The following MEGF11 variants were observed in gnomAD, a reference collection of about 807,000 sequenced individuals.
MEGF11 encodes multiple EGF like domains 11.
MEGF11 carries 126 observed loss-of-function variants against 146.6 expected under a neutral mutation model. The observed-to-expected ratio is 0.86, with a 90% CI of 0.74 to 1.00. The LOEUF (loss-of-function observed/expected upper bound fraction) is 1.00. MEGF11 is among the 50% of genes least tolerant of loss of function. The pLI is 0.00. For missense variants in MEGF11, 1,509 were observed against 1,521.2 expected (o/e 0.99, Z 0.13); for synonymous variants, 532 against 583.4 (o/e 0.91, Z 1.27).
intron 10 of MEGF11, among the ~76,000 whole-genome samples, chr15:65,932,472 G>A (rs915985371): frequency 7.5e-6 from 1 of 133,476 alleles, no homozygotes; most frequent in Admixed American, 7.3e-5. Flanking sequence ...CAAGTTACAG[G>A]GTAGGAGACC....
intron 24 of MEGF11, among the ~76,000 whole-genome samples, chr15:65,899,327 C>T (rs935860518): frequency 6.6e-6 from 1 of 152,166 alleles, no homozygotes; most frequent in Non-Finnish European, 1.5e-5. Flanking sequence ...ATGGCAGTGC[C>T]AAGAATTGAA....
chr15:66,130,730 GAGGA>G (rs137881134), intron 1 of MEGF11, among the ~76,000 whole-genome samples: 28 of 141,084 alleles, frequency 2.0e-4, no homozygotes, highest in East Asian at 4.1e-4. Context: ...AAGAGGGAGG[GAGGA>G]AGGAAGGAAG....
At chr15:66,207,695 A>G (rs952129879) in intron 1 of MEGF11, among the ~76,000 whole-genome samples, 4 of 152,388 alleles carry the variant, frequency 2.6e-5, no homozygotes, top group East Asian at 3.9e-4. Context: ...TTTTACCTAT[A>G]TGATCTAAAA....
intron 5 of MEGF11, among the ~76,000 whole-genome samples, chr15:66,054,591 G>A (rs1286011329): frequency 6.6e-6 from 1 of 152,250 alleles, no homozygotes; most frequent in Non-Finnish European, 1.5e-5. Context: ...CCTGGGCAGA[G>A]TGAGCGGCCT....
At chr15:66,074,665 A>T (rs2085504022) in intron 5 of MEGF11, among the ~76,000 whole-genome samples, 1 of 152,230 alleles carries the variant, frequency 6.6e-6, no homozygotes, top group African/African-American at 2.4e-5. Context: ...GTTGTGGTAG[A>T]AAAAAGATTT....
intron 5 of MEGF11, among the ~76,000 whole-genome samples, chr15:66,011,429 C>T (rs1419853884): frequency 6.6e-6 from 1 of 152,120 alleles, no homozygotes; most frequent in Non-Finnish European, 1.5e-5. Context: ...CAAGAAAAAG[C>T]GAGATGCGGA....
At chr15:65,991,706 A>C (rs2082048198) in intron 5 of MEGF11, among the ~76,000 whole-genome samples, 1 of 152,200 alleles carries the variant, frequency 6.6e-6, no homozygotes, top group Non-Finnish European at 1.5e-5. Context: ...AGGCTTTAGA[A>C]GTCATCTTGT....
chr15:66,111,758 T>C (rs2087423798), intron 4 of MEGF11, among the ~76,000 whole-genome samples: 2 of 152,190 alleles, frequency 1.3e-5, no homozygotes, highest in African/African-American at 2.4e-5. Flanking sequence ...GAACAGGCAG[T>C]GACTGCTGAA....
chr15:66,228,296 C>A (rs1020827179), intron 1 of MEGF11, among the ~76,000 whole-genome samples: 13 of 152,018 alleles, frequency 8.6e-5, no homozygotes, highest in Non-Finnish European at 1.9e-4. Flanking sequence ...GGAGCCCTGC[C>A]CAGGGGCTTA....
chr15:66,132,252 C>G (rs978370250), intron 1 of MEGF11, among the ~76,000 whole-genome samples: 5 of 151,946 alleles, frequency 3.3e-5, no homozygotes, highest in Admixed American at 3.3e-4. Context: ...ACACACCTGT[C>G]CAGACATTAG....
At chr15:66,071,009 T>TG (rs1386472106) in intron 5 of MEGF11, among the ~76,000 whole-genome samples, 1 of 152,186 alleles carries the variant, frequency 6.6e-6, no homozygotes, top group African/African-American at 2.4e-5. Context: ...ATTTCAGCTG[T>TG]GGTGTATCTT....
intron 5 of MEGF11, among the ~76,000 whole-genome samples, chr15:66,082,503 ATCTATCTATCT>A (rs1567232404): frequency 2.9e-5 from 4 of 136,814 alleles, no homozygotes; most frequent in African/African-American, 1.1e-4. Flanking sequence ...CTATCTATCT[ATCTATCTATCT>A]ATAAATAAAT....
intron 5 of MEGF11, among the ~76,000 whole-genome samples, chr15:65,987,147 G>A (rs942229224): frequency 7.9e-5 from 12 of 152,138 alleles, no homozygotes; most frequent in South Asian, 2.1e-4. Flanking sequence ...CTTCTTCACC[G>A]ACAGGCTTTT....
intron 5 of MEGF11, among the ~76,000 whole-genome samples, chr15:66,061,428 C>T (rs1488077285): frequency 6.6e-6 from 1 of 150,738 alleles, no homozygotes; most frequent in African/African-American, 2.5e-5. Context: ...TTGTTCACTT[C>T]CATTTCTCTT....
At position 65,922,346 on chromosome 15, in the gene MEGF11, CAG is replaced by C; in HGVS notation, c.1947_1948del (p.Cys650GlnfsTer112). 6.2e-7 allele frequency: 1 copy of C among 1,606,826 alleles called. No homozygotes were observed. Among genetic ancestry groups the C allele is most frequent in the Non-Finnish European group, 8.5e-7 (1 of 1,176,858 alleles). ...CCCACTGGAGACAGTACCTTGGTTGCAGAGAGCTCCAGAGAATCCTGGGAGGC... is the reference window on the plus strand; with the variant it reads ...CCCACTGGAGACAGTACCTTGGTTGCAGAGCTCCAGAGAATCCTGGGAGGC... On this transcript the variant is annotated frameshift_variant, in exon 15 of 26. Transcript: ENST00000395614. LOFTEE classifies it high-confidence loss of function.
chr15:66,085,925 C>G (rs964026589), intron 5 of MEGF11, among the ~76,000 whole-genome samples: 1 of 151,986 alleles, frequency 6.6e-6, no homozygotes, highest in African/African-American at 2.4e-5. Flanking sequence ...AAAAATGATA[C>G]AAGAAGTGAA....
intron 10 of MEGF11, among the ~76,000 whole-genome samples, chr15:65,933,571 G>C (rs1231109591): frequency 5.9e-5 from 9 of 152,222 alleles, no homozygotes; most frequent in Admixed American, 5.9e-4. Flanking sequence ...GCCTATGCCT[G>C]GTCTTTGCGA....
At position 66,060,977 on chromosome 15, in the gene MEGF11, G is replaced by A. The variant is rs138283973; in HGVS notation, c.394+33425C>T. On this transcript the variant is annotated intron_variant, in intron 5 of 25. Transcript: ENST00000395614. ...GGCGTTGGCTCCTAGCCCTCCTGAG[G>A]ACGCCTAGGGCTGGAATGGGGACTG... is the stretch of plus-strand genomic sequence containing the variant. 3.2e-3 allele frequency among the ~76,000 whole-genome samples: 487 copies of A among 152,366 alleles called. 4 individuals are homozygous for A. Among genetic ancestry groups the A allele is most frequent in the African/African-American group, 0.011 (468 of 41,576 alleles).
At chr15:65,976,530 GAGA>G (rs1382100557) in intron 7 of MEGF11, among the ~76,000 whole-genome samples, 4 of 152,196 alleles carry the variant, frequency 2.6e-5, no homozygotes, top group African/African-American at 9.7e-5. Flanking sequence ...GAGACACAGG[GAGA>G]AGATGGCCAT....
Sources: gnomAD v4.1 joint callset for allele counts (sites outside exome capture counted in the v4.1 genomes callset) on GRCh38, gnomAD v4.1.1 for gene constraint, MANE v1.5 for transcripts, NCBI Gene and HGNC (gene_info 2026-07-23, HGNC 2026-07-21) for gene names.